The following ASTN2 variants were observed in gnomAD, a reference collection of about 807,000 sequenced individuals.
The protein encoded by ASTN2 is astrotactin 2.
A neutral mutation model predicts 139.8 loss-of-function variants in ASTN2; 54 were observed. That is an observed-to-expected ratio of 0.39 (90% CI 0.31 to 0.48). The LOEUF is 0.48. ASTN2 is among the 20% of genes least tolerant of loss of function. ASTN2 has a pLI of 0.95. For synonymous variants in ASTN2, 756 were observed against 719.5 expected (o/e 1.05, Z -0.81); for missense variants, 1,565 against 1,725.1 (o/e 0.91, Z 1.64).
intron 5 of ASTN2, among the ~76,000 whole-genome samples, chr9:117,094,268 T>A (rs977274847): frequency 2.7e-5 from 4 of 147,950 alleles, no homozygotes; most frequent in Admixed American, 6.7e-5. Context: ...GAGGAAAGAA[T>A]GAAGGGATGG....
At chr9:116,907,105 C>T (rs1339574290) in intron 10 of ASTN2, among the ~76,000 whole-genome samples, 2 of 152,154 alleles carry the variant, frequency 1.3e-5, no homozygotes, top group Non-Finnish European at 2.9e-5. Context: ...GTAGATGATA[C>T]ACTAGGATTC....
chr9:116,781,555 G>A (rs113401873), intron 13 of ASTN2, among the ~76,000 whole-genome samples: 3,244 of 152,188 alleles, frequency 0.021, 54 homozygotes, highest in South Asian at 0.026. Context: ...AAAGTCTTAC[G>A]GGTGTGGAGA....
chr9:116,930,319 C>A (rs1834863138), intron 10 of ASTN2, among the ~76,000 whole-genome samples: 2 of 152,128 alleles, frequency 1.3e-5, no homozygotes, highest in African/African-American at 4.8e-5. Flanking sequence ...CTTCTTAAGA[C>A]CCCTGACCTG....
chr9:116,590,872 T>C (rs1854350811), intron 19 of ASTN2, among the ~76,000 whole-genome samples: 2 of 152,126 alleles, frequency 1.3e-5, no homozygotes, highest in Admixed American at 1.3e-4. Flanking sequence ...GTAGGTCTCC[T>C]CTCTGCTGAG....
At chr9:116,444,764 G>A (rs559870222) in intron 20 of ASTN2, among the ~76,000 whole-genome samples, 30 of 152,222 alleles carry the variant, frequency 2.0e-4, no homozygotes, top group African/African-American at 6.3e-4. Context: ...TGGGCAAGTC[G>A]CTTCACCTCT....
intron 3 of ASTN2, among the ~76,000 whole-genome samples, chr9:117,159,058 T>C (rs1830490571): frequency 6.6e-6 from 1 of 152,016 alleles, no homozygotes; most frequent in Non-Finnish European, 1.5e-5. Flanking sequence ...AAACGAACCA[T>C]TTATGGGAAA....
intron 10 of ASTN2, among the ~76,000 whole-genome samples, chr9:116,885,876 T>C (rs1261669772): frequency 7.7e-6 from 1 of 129,528 alleles, no homozygotes; most frequent in Non-Finnish European, 1.5e-5. Flanking sequence ...ATTCATTTAC[T>C]CACTCATTCA....
At chr9:116,697,845 A>C in intron 16 of ASTN2, 1 of 1,614,164 alleles carries the variant, frequency 6.2e-7, no homozygotes, top group Non-Finnish European at 8.5e-7. Context: ...GCTGCGTCCC[A>C]AGCTTCTGCA....
intron 13 of ASTN2, among the ~76,000 whole-genome samples, chr9:116,747,056 T>C (rs949414362): frequency 6.6e-5 from 10 of 152,202 alleles, no homozygotes; most frequent in Non-Finnish European, 1.5e-4. Flanking sequence ...TCCCTTGCCG[T>C]CCTTCCTTCA....
intron 10 of ASTN2, among the ~76,000 whole-genome samples, chr9:116,874,915 T>C (rs114504021): frequency 0.033 from 4,954 of 152,268 alleles, 304 homozygotes; most frequent in African/African-American, 0.11. Context: ...AATTGTGTTA[T>C]TATTATATCG....
At chr9:117,047,311 A>T (rs1246141026) in intron 5 of ASTN2, among the ~76,000 whole-genome samples, 2 of 152,182 alleles carry the variant, frequency 1.3e-5, no homozygotes, top group African/African-American at 2.4e-5. Flanking sequence ...AATATGGGAC[A>T]TATTTTCCTT....
intron 3 of ASTN2, among the ~76,000 whole-genome samples, chr9:117,149,195 T>C (rs150827558): frequency 0.027 from 4,088 of 152,004 alleles, 61 homozygotes; most frequent in South Asian, 0.08. Context: ...AATTTTTGTA[T>C]TTTTAGTAGA....
chr9:116,840,175 G>C (rs1442921585), intron 11 of ASTN2, among the ~76,000 whole-genome samples: 1 of 147,980 alleles, frequency 6.8e-6, no homozygotes, highest in African/African-American at 2.6e-5. Flanking sequence ...ACATGTTTCA[G>C]AGAGCACAGG....
intron 1 of ASTN2, among the ~76,000 whole-genome samples, chr9:117,322,541 T>A (rs1345231320): frequency 2.0e-5 from 3 of 152,200 alleles, no homozygotes; most frequent in Non-Finnish European, 4.4e-5. Flanking sequence ...ACTGGGCATA[T>A]GGACTTAAGT....
At chr9:116,513,088 C>T (rs10983204) in intron 19 of ASTN2, among the ~76,000 whole-genome samples, 48,045 of 152,044 alleles carry the variant, frequency 0.32, 8,875 homozygotes, top group Admixed American at 0.44. Context: ...GCAGTTTCTT[C>T]CTAGCATTGA....
intron 11 of ASTN2, among the ~76,000 whole-genome samples, chr9:116,833,440 T>G (rs1831879357): frequency 6.6e-6 from 1 of 151,996 alleles, no homozygotes; most frequent in Admixed American, 6.5e-5. Context: ...TTGCTCTTTT[T>G]TTTTTTTTCT....
chr9:116,961,986 G>A (rs1835886435), intron 10 of ASTN2, among the ~76,000 whole-genome samples: 1 of 152,212 alleles, frequency 6.6e-6, no homozygotes, highest in Non-Finnish European at 1.5e-5. Flanking sequence ...TATGGAGAAT[G>A]AGGCAGTGGG....
intron 3 of ASTN2, among the ~76,000 whole-genome samples, chr9:117,161,174 T>C (rs1296333423): frequency 6.6e-6 from 1 of 152,006 alleles, no homozygotes; most frequent in Non-Finnish European, 1.5e-5. Context: ...ACCAGGATGA[T>C]GATGATGGTG....
intron 2 of ASTN2, among the ~76,000 whole-genome samples, chr9:117,287,405 T>C (rs991169264): frequency 2.6e-5 from 4 of 152,174 alleles, no homozygotes; most frequent in African/African-American, 9.7e-5. Context: ...TCAATTTAAA[T>C]CAACAACGGA....
Sources: allele counts gnomAD v4.1 joint callset (sites outside exome capture counted in the v4.1 genomes callset), GRCh38; gene constraint gnomAD v4.1.1; transcripts MANE v1.5; gene names NCBI Gene and HGNC (gene_info 2026-07-23, HGNC 2026-07-21).